GSE1: variants seen among roughly 807,000 people sequenced by gnomAD.
GSE1 encodes Gse1 coiled-coil protein.
A neutral mutation model predicts 112.6 loss-of-function variants in GSE1; 32 were observed. The observed-to-expected ratio is 0.28, with a 90% CI of 0.21 to 0.38. The LOEUF is 0.38. Among genes scored for constraint, GSE1 ranks in the 10% least tolerant of loss-of-function variants. The pLI is 1.00. For synonymous variants in GSE1, 1,115 were observed against 735.6 expected, an observed-to-expected ratio of 1.52 and a Z score of -8.35; for missense variants, 2,348 against 1,699.2, an observed-to-expected ratio of 1.38 and a Z score of -6.71.
At chr16:85,640,888 G>A (rs76158620) in intron 2 of GSE1, among the ~76,000 whole-genome samples, 3,255 of 152,306 alleles carry the variant, frequency 0.021, 118 homozygotes, top group East Asian at 0.12. Flanking sequence ...GTGCCTCTCC[G>A]TTCTCCTGGC....
At chr16:85,572,452 T>C (rs2046042105) in intron 1 of GSE1, among the ~76,000 whole-genome samples, 1 of 96,608 alleles carries the variant, frequency 1.0e-5, no homozygotes, top group Non-Finnish European at 2.2e-5. Context: ...ACACAGCACA[T>C]ACCACACACA....
At chr16:85,212,491 A>G (rs1275817671) in intron 1 of GSE1, among the ~76,000 whole-genome samples, 1 of 152,192 alleles carries the variant, frequency 6.6e-6, no homozygotes, top group Admixed American at 6.5e-5. Context: ...TGTAGTCATA[A>G]GGATAGATCA....
chr16:85,496,149 C>T (rs2051169565), intron 2 of GSE1, among the ~76,000 whole-genome samples: 2 of 152,302 alleles, frequency 1.3e-5, no homozygotes, highest in East Asian at 1.9e-4. Context: ...CCCGAGCCTG[C>T]GGTGACAGTG....
At chr16:85,428,306 T>A (rs568599676) in intron 2 of GSE1, among the ~76,000 whole-genome samples, 3 of 152,280 alleles carry the variant, frequency 2.0e-5, no homozygotes, top group African/African-American at 7.2e-5. Flanking sequence ...TGGTGAGAGC[T>A]GTGAGGGGCA....
chr16:85,266,716 GGGGT>G (rs1471099183), intron 1 of GSE1, among the ~76,000 whole-genome samples: 1 of 152,098 alleles, frequency 6.6e-6, no homozygotes, highest in Non-Finnish European at 1.5e-5. Flanking sequence ...GCATGAAGGA[GGGGT>G]GGCTGTTTGC....
In GSE1 at chr16:85,569,136, C is replaced by T. The variant is rs183563042; in HGVS notation, c.37+12773C>T. ...GGTTCTGCTGGGATCCTTTTCTCCCCGACAGGGCCAACCCTGCCTAACACT... is the reference window on the plus strand; with the variant it reads ...GGTTCTGCTGGGATCCTTTTCTCCCTGACAGGGCCAACCCTGCCTAACACT... On this transcript the variant is annotated intron_variant, in intron 1 of 2. Coordinates refer to the GSE1 transcript ENST00000635906. 3.5e-3 allele frequency among the ~76,000 whole-genome samples: 527 copies of T among 152,296 alleles called. 4 individuals are homozygous for T. The highest frequency in any genetic ancestry group is 6.3e-3 in the Admixed American group (97 of 15,304).
rs1226863488 is a variant in GSE1, at chr16:85,661,527, C to T, written c.2022C>T (p.Phe674=). Reference sequence around the variant, plus strand: ...CCTTCCTGCCCGGGCCCGGGCCCTTCCTGGCTGAGCTCGAGAAGTCCACCC... The same window carrying T: ...CCTTCCTGCCCGGGCCCGGGCCCTTTCTGGCTGAGCTCGAGAAGTCCACCC... ...HQPFLPGPGP[F]LAELEKSTQT... is the part of the protein sequence containing the mutation. The change falls in exon 9 of 16, where the codon TTC becomes TTT. Residue 674 remains phenylalanine (F), a synonymous_variant. Coordinates refer to ENST00000253458, the MANE Select transcript of GSE1 (RefSeq NM_014615.5). The T allele has an allele frequency of 3.7e-6, 6 of 1,611,600 alleles. No homozygotes were observed. The highest frequency in any genetic ancestry group is 5.1e-6 in the Non-Finnish European group (6 of 1,179,516).
intron 2 of GSE1, among the ~76,000 whole-genome samples, chr16:85,464,351 G>A (rs1268403585): frequency 1.3e-5 from 2 of 152,080 alleles, no homozygotes; most frequent in South Asian, 2.1e-4. Context: ...GGGGTGGGGG[G>A]CAGCCGCTTA....
intron 1 of GSE1, among the ~76,000 whole-genome samples, chr16:85,556,728 GC>G (rs2045236338): frequency 1.3e-5 from 2 of 149,282 alleles, no homozygotes; most frequent in African/African-American, 5.0e-5. Flanking sequence ...TTTCCTGCAG[GC>G]CGCCCCGATC....
At chr16:85,211,718 G>A (rs945610305) in intron 1 of GSE1, among the ~76,000 whole-genome samples, 3 of 152,196 alleles carry the variant, frequency 2.0e-5, no homozygotes, top group African/African-American at 7.2e-5. Context: ...GGTGCCCCAT[G>A]GAGCCTGACA....
chr16:85,524,815 G>A (rs1464652919), intron 2 of GSE1, among the ~76,000 whole-genome samples: 2 of 152,134 alleles, frequency 1.3e-5, no homozygotes, highest in East Asian at 3.8e-4. Flanking sequence ...TTACACCCTA[G>A]GGAAACTGAG....
chr16:85,239,686 G>A (rs572226849), intron 1 of GSE1, among the ~76,000 whole-genome samples: 3 of 152,344 alleles, frequency 2.0e-5, no homozygotes, highest in Admixed American at 6.5e-5. Flanking sequence ...GGGCTCTTCC[G>A]GGTAACTCCA....
At chr16:85,526,889 A>G (rs962130913) in intron 2 of GSE1, among the ~76,000 whole-genome samples, 3 of 152,234 alleles carry the variant, frequency 2.0e-5, no homozygotes, top group Admixed American at 1.3e-4. Context: ...AAACATGGCC[A>G]ATTTTGTTCA....
At position 85,549,735 on chromosome 16, in the gene GSE1, G is replaced by T. The variant is rs182271355; in HGVS notation, c.2465-84179G>T. ...CTTGAGACTTGGAATGTTCATAGAC[G>T]GTCCAGGGACCTAAGGACTAGAGCC... On this transcript the variant is annotated intron_variant, in intron 2 of 2. Transcript: ENST00000637419. Among the ~76,000 whole-genome samples, 10 of 152,292 alleles carry T rather than the reference G, an allele frequency of 6.6e-5. No individual in the cohort carries two copies. The East Asian group carries it at 1.9e-3, about 29-fold the overall frequency.
intron 3 of GSE1, among the ~76,000 whole-genome samples, chr16:85,652,796 G>A (rs914750930): frequency 5.6e-4 from 86 of 152,282 alleles, no homozygotes; most frequent in African/African-American, 1.7e-3. Context: ...AGAGCCCCTG[G>A]GCCATCATTC....
intron 1 of GSE1, among the ~76,000 whole-genome samples, chr16:85,625,717 A>T (rs892350929): frequency 4.3e-4 from 66 of 152,054 alleles, no homozygotes; most frequent in African/African-American, 1.6e-3. Flanking sequence ...CTGCAGCTTC[A>T]AGGGTGTCGT....
At chr16:85,659,970 A>G (rs1051835027) in intron 8 of GSE1, among the ~76,000 whole-genome samples, 13 of 152,162 alleles carry the variant, frequency 8.5e-5, no homozygotes, top group Non-Finnish European at 1.3e-4. Context: ...CCTGACTGGG[A>G]GGATCTTCAT....
intron 1 of GSE1, among the ~76,000 whole-genome samples, chr16:85,347,972 C>G (rs905186970): frequency 6.6e-6 from 1 of 152,170 alleles, no homozygotes; most frequent in Non-Finnish European, 1.5e-5. Flanking sequence ...TTGCGGCAGG[C>G]GGGGTGGGGT....
chr16:85,397,533 C>G (rs1490439383), intron 2 of GSE1, among the ~76,000 whole-genome samples: 1 of 152,214 alleles, frequency 6.6e-6, no homozygotes, highest in Non-Finnish European at 1.5e-5. Flanking sequence ...TGTCTGCCCC[C>G]CGCCGCTGCC....
Sources: gnomAD v4.1 joint callset for allele counts (sites outside exome capture counted in the v4.1 genomes callset) on GRCh38, gnomAD v4.1.1 for gene constraint, MANE v1.5 for transcripts, NCBI Gene and HGNC (gene_info 2026-07-23, HGNC 2026-07-21) for gene names.